Variants in MCC observed in about 807,000 individuals in gnomAD.
The protein encoded by MCC is colorectal mutant cancer protein.
A neutral mutation model predicts 116.2 loss-of-function variants in MCC; 90 were observed. The ratio of observed to expected loss-of-function variants is 0.77; its 90% CI spans 0.65 to 0.92. The LOEUF is 0.92. Ranked by LOEUF, MCC falls within the 40% of genes least tolerant of loss-of-function variation. MCC has a pLI of 0.00. For missense variants in MCC, 1,516 were observed against 1,312.2 expected, an observed-to-expected ratio of 1.16 and a Z score of -2.40; for synonymous variants, 578 against 510.5, an observed-to-expected ratio of 1.13 and a Z score of -1.78.
At chr5:113,310,835 T>C (rs1331571381) in intron 3 of MCC, among the ~76,000 whole-genome samples, 3 of 152,264 alleles carry the variant, frequency 2.0e-5, no homozygotes, top group African/African-American at 7.2e-5. Flanking sequence ...AAAGTGGACA[T>C]TTCTCTGGAT....
intron 3 of MCC, among the ~76,000 whole-genome samples, chr5:113,275,970 G>GTT (rs34159294): frequency 2.3e-4 from 30 of 130,506 alleles, no homozygotes; most frequent in South Asian, 8.1e-4. Context: ...CACTTGTTTT[G>GTT]TTTTTTTTTT....
At chr5:113,242,639 G>A (rs1188896002) in intron 3 of MCC, among the ~76,000 whole-genome samples, 1 of 152,006 alleles carries the variant, frequency 6.6e-6, no homozygotes, top group Non-Finnish European at 1.5e-5. Flanking sequence ...GACAACAGCA[G>A]GAGAGGCAGA....
At chr5:113,390,943 T>C (rs1340224556) in intron 1 of MCC, among the ~76,000 whole-genome samples, 2 of 152,154 alleles carry the variant, frequency 1.3e-5, no homozygotes, top group Non-Finnish European at 2.9e-5. Flanking sequence ...AATTTAGAAG[T>C]CTCTAATTTC....
intron 3 of MCC, among the ~76,000 whole-genome samples, chr5:113,168,797 CA>C (rs1446500543): frequency 6.6e-6 from 1 of 152,002 alleles, no homozygotes; most frequent in Non-Finnish European, 1.5e-5. Context: ...GAGAACGGGG[CA>C]GGGGCAACAG....
chr5:113,064,190 G>A (rs1357959709), intron 13 of MCC, 23 bp from the exon 14 acceptor site: 3 of 1,594,706 alleles, frequency 1.9e-6, no homozygotes, highest in Admixed American at 1.7e-5. Context: ...GAAGCCAACG[G>A]ATTAATCAAC....
intron 2 of MCC, among the ~76,000 whole-genome samples, chr5:113,364,017 A>C (rs1280386316): frequency 6.6e-6 from 1 of 152,092 alleles, no homozygotes; most frequent in African/African-American, 2.4e-5. Flanking sequence ...GCAGATCACA[A>C]GGTCAGGAAT....
intron 18 of MCC, among the ~76,000 whole-genome samples, chr5:113,028,021 G>C (rs1176422369): frequency 6.6e-6 from 1 of 152,156 alleles, no homozygotes; most frequent in African/African-American, 2.4e-5. Context: ...GGAATATACA[G>C]GCCTTTGAAC....
intron 1 of MCC, among the ~76,000 whole-genome samples, chr5:113,470,052 C>T (rs1458776085): frequency 1.3e-5 from 2 of 151,908 alleles, no homozygotes; most frequent in Non-Finnish European, 2.9e-5. Context: ...TCCTCCATCC[C>T]TTTATTTTGA....
At chr5:113,175,101 T>C (rs1303292929) in intron 3 of MCC, among the ~76,000 whole-genome samples, 1 of 152,210 alleles carries the variant, frequency 6.6e-6, no homozygotes, top group African/African-American at 2.4e-5. Flanking sequence ...CGTGATATAC[T>C]TCTGTGTTGT....
chr5:113,369,061 G>C (rs1213396219), intron 2 of MCC, among the ~76,000 whole-genome samples: 1 of 152,164 alleles, frequency 6.6e-6, no homozygotes, highest in Non-Finnish European at 1.5e-5. Flanking sequence ...GGGAGGGGAC[G>C]TAGAGCTTCC....
intron 3 of MCC, among the ~76,000 whole-genome samples, chr5:113,293,877 G>C (rs1766606634): frequency 6.6e-6 from 1 of 152,236 alleles, no homozygotes; most frequent in African/African-American, 2.4e-5. Flanking sequence ...TCGCACGTGG[G>C]AGCCAAGTGG....
chr5:113,376,574 TACACACACAC>T (rs1554079796), intron 2 of MCC, among the ~76,000 whole-genome samples: 8 of 145,774 alleles, frequency 5.5e-5, no homozygotes, highest in Non-Finnish European at 9.0e-5. Flanking sequence ...CCATATTTTA[TACACACACAC>T]ACACACACAC....
intron 2 of MCC, among the ~76,000 whole-genome samples, chr5:113,358,510 C>T (rs1005097711): frequency 1.3e-5 from 2 of 152,146 alleles, no homozygotes; most frequent in African/African-American, 4.8e-5. Flanking sequence ...TTTAGGGGAT[C>T]CTGAGACCTG....
chr5:113,352,570 G>A (rs1455273109), intron 2 of MCC, among the ~76,000 whole-genome samples: 1 of 152,118 alleles, frequency 6.6e-6, no homozygotes, highest in Non-Finnish European at 1.5e-5. Context: ...AATCTTTGCT[G>A]TAAAGAGCTC....
chr5:113,296,738 A>G (rs1766723257), intron 3 of MCC, among the ~76,000 whole-genome samples: 1 of 152,212 alleles, frequency 6.6e-6, no homozygotes, highest in Admixed American at 6.5e-5. Flanking sequence ...TAGCATAGAA[A>G]TAATGGAGAT....
chr5:113,423,964 T>C (rs1770414184), intron 1 of MCC, among the ~76,000 whole-genome samples: 1 of 152,106 alleles, frequency 6.6e-6, no homozygotes. Flanking sequence ...CCCTGGCTAC[T>C]AGCTTTATAC....
intron 2 of MCC, among the ~76,000 whole-genome samples, chr5:113,374,282 A>C (rs887629929): frequency 6.7e-5 from 10 of 150,254 alleles, no homozygotes; most frequent in African/African-American, 2.5e-4. Context: ...CTATGATCTT[A>C]ACAGTGTTTG....
At chr5:113,064,294 C>G in intron 13 of MCC, 127 bp from the exon 14 acceptor site, 1 of 809,556 alleles carries the variant, frequency 1.2e-6, no homozygotes, top group South Asian at 1.8e-5. Flanking sequence ...ATTGGCAGTG[C>G]CCAGCCGAAG....
chr5:113,265,010 T>C (rs1360075767), intron 3 of MCC, among the ~76,000 whole-genome samples: 1 of 151,986 alleles, frequency 6.6e-6, no homozygotes, highest in Non-Finnish European at 1.5e-5. Context: ...CACTGCTCTC[T>C]AGCCTGGAGG....
Sources: gnomAD v4.1 joint callset for allele counts (sites outside exome capture counted in the v4.1 genomes callset) on GRCh38, gnomAD v4.1.1 for gene constraint, MANE v1.5 for transcripts, NCBI Gene and HGNC (gene_info 2026-07-23, HGNC 2026-07-21) for gene names.